Variants in PRH1 observed in about 807,000 individuals in gnomAD.
The protein encoded by PRH1 is salivary acidic proline-rich phosphoprotein 1/2.
Under a neutral mutation model 7.9 loss-of-function variants are expected in PRH1, and 7 were observed. The observed-to-expected ratio is 0.89, with a 90% CI of 0.50 to 1.67. PRH1 has a LOEUF of 1.67. PRH1 is among the 40% of genes most tolerant of loss of function. The probability of loss-of-function intolerance (pLI) is 0.00; values close to 1 mark genes in which losing one functional copy is unlikely to be tolerated. For synonymous variants in PRH1, 45 were observed against 80.8 expected, an observed-to-expected ratio of 0.56 and a Z score of 2.38; for missense variants, 109 against 223.6, an observed-to-expected ratio of 0.49 and a Z score of 3.27.
chr12:10,972,727 G>A (rs189729910), intron 2 of PRH1, among the ~76,000 whole-genome samples: 11 of 152,196 alleles, frequency 7.2e-5, no homozygotes, highest in African/African-American at 2.4e-4. Flanking sequence ...GAGTTTGGTC[G>A]TAACTAGAAT....
intron 1 of PRH1, chr12:11,021,722 T>C (rs144242846): frequency 4.7e-4 from 757 of 1,614,128 alleles, no homozygotes; most frequent in Admixed American, 1.0e-3. Flanking sequence ...TTTAGCTTCC[T>C]ACTTCCCATA....
intron 1 of PRH1, among the ~76,000 whole-genome samples, chr12:10,990,139 A>G (rs1037640601): frequency 6.6e-6 from 1 of 152,202 alleles, no homozygotes; most frequent in Non-Finnish European, 1.5e-5. Flanking sequence ...TAGAGCAGCG[A>G]AATAGAATAG....
chr12:10,981,365 ATTTT>A (rs528019045), intron 1 of PRH1, among the ~76,000 whole-genome samples: 4 of 111,594 alleles, frequency 3.6e-5, no homozygotes, highest in Admixed American at 9.9e-5. Flanking sequence ...TTACTTCTGG[ATTTT>A]TTTTTTTTTT....
In PRH1 at chr12:10,908,751, A is replaced by G. The variant is rs752444755; in HGVS notation, c.-58-24476T>C. 37 of 1,613,928 alleles carry G rather than the reference A, an allele frequency of 2.3e-5. No individual in the cohort carries two copies. The South Asian group carries it at 3.6e-4, about 16-fold the overall frequency. ...AAATGGTGTTAGACTGAACATAGTC[A>G]TAGTGAATTTGACCGACACTGAAAA... On this transcript the variant is annotated intron_variant, in intron 2 of 3. Coordinates refer to the PRH1 transcript ENST00000539853.
chr12:11,075,866 C>T (rs2136220423), intron 1 of PRH1, among the ~76,000 whole-genome samples: 1 of 121,386 alleles, frequency 8.2e-6, no homozygotes, highest in East Asian at 2.1e-4. Flanking sequence ...TCAAATTATC[C>T]ATTTATCCAA....
chr12:10,968,302 T>G (rs776215049), intron 2 of PRH1, among the ~76,000 whole-genome samples: 1 of 152,222 alleles, frequency 6.6e-6, no homozygotes, highest in Non-Finnish European at 1.5e-5. Context: ...GTATTTAGCT[T>G]GACTTGAACT....
At chr12:11,103,976 T>A (rs1202112641) in intron 1 of PRH1, among the ~76,000 whole-genome samples, 1 of 152,056 alleles carries the variant, frequency 6.6e-6, no homozygotes, top group Non-Finnish European at 1.5e-5. Flanking sequence ...TCTAATCAGA[T>A]AATCACACGT....
intron 1 of PRH1, among the ~76,000 whole-genome samples, chr12:11,125,480 T>C (rs1358515401): frequency 6.6e-6 from 1 of 152,298 alleles, no homozygotes; most frequent in Non-Finnish European, 1.5e-5. Flanking sequence ...TGGGTGATTT[T>C]ATTATAGCAG....
At chr12:10,921,068 T>G (rs576230831) in intron 2 of PRH1, among the ~76,000 whole-genome samples, 1 of 152,184 alleles carries the variant, frequency 6.6e-6, no homozygotes, top group East Asian at 1.9e-4. Context: ...TAAGTATATA[T>G]TATGAGACTA....
At chr12:11,126,116 A>C (rs1946119424) in intron 1 of PRH1, among the ~76,000 whole-genome samples, 1 of 152,040 alleles carries the variant, frequency 6.6e-6, no homozygotes, top group Non-Finnish European at 1.5e-5. Context: ...ATAGAAAAAA[A>C]TTATAGCATT....
intron 1 of PRH1, among the ~76,000 whole-genome samples, chr12:11,159,953 C>T (rs1223031398): frequency 6.6e-6 from 1 of 152,168 alleles, no homozygotes; most frequent in Non-Finnish European, 1.5e-5. Context: ...CAGTCAGCTA[C>T]TATATAATTT....
At position 11,030,578 on chromosome 12, in the gene PRH1, C is replaced by G. The variant is rs774442911; in HGVS notation, c.-126+16442G>C. On this transcript the variant is annotated intron_variant, in intron 1 of 3. Transcript: ENST00000539853. ...GAAGACAGGTTTGTTTTCCAGACTC[C>G]CAAAACTCCAAACTGATATCATTAT... 18 of 1,574,090 alleles carry G rather than the reference C, an allele frequency of 1.1e-5. No homozygotes were observed. The South Asian group carries it at 1.9e-4, about 17-fold the overall frequency.
chr12:11,021,345 G>A (rs1221074155), intron 1 of PRH1, among the ~76,000 whole-genome samples: 2 of 130,056 alleles, frequency 1.5e-5, no homozygotes, highest in African/African-American at 5.3e-5. Context: ...AAAGCTGTAC[G>A]TTCTTAATTA....
At chr12:11,116,154 G>A (rs940271263), downstream of PRH1, among the ~76,000 whole-genome samples, 6 of 151,680 alleles carry the variant, frequency 4.0e-5, no homozygotes, top group Admixed American at 6.6e-5. Flanking sequence ...CGTTCAGGCC[G>A]ACCAAGAAAA....
At chr12:11,041,288 CAAAA>C (rs67144212) in intron 1 of PRH1, among the ~76,000 whole-genome samples, 3 of 81,366 alleles carry the variant, frequency 3.7e-5, no homozygotes, top group Non-Finnish European at 6.9e-5. Context: ...CAATGCAAAC[CAAAA>C]AAAAAAAAAA....
At chr12:11,046,987 G>T in intron 1 of PRH1, 1 of 486,732 alleles carries the variant, frequency 2.1e-6, no homozygotes, top group East Asian at 5.9e-5. Context: ...CAAGATTAGT[G>T]GTTTGAAAAC....
chr12:10,931,061 A>C, intron 2 of PRH1: 1 of 1,578,014 alleles, frequency 6.3e-7, no homozygotes. Context: ...TCTCCTCAGT[A>C]ATCTAGGATT....
At chr12:11,095,766 G>A (rs1945057126) in intron 1 of PRH1, among the ~76,000 whole-genome samples, 1 of 114,630 alleles carries the variant, frequency 8.7e-6, no homozygotes, top group African/African-American at 2.9e-5. Context: ...TCCTACCACT[G>A]AACTCCAGCG....
intron 1 of PRH1, among the ~76,000 whole-genome samples, chr12:11,170,875 G>A (rs1947814438): frequency 6.6e-6 from 1 of 152,158 alleles, no homozygotes; most frequent in Non-Finnish European, 1.5e-5. Context: ...CAGAGACCTT[G>A]TGCTTTTATT....
Sources: allele counts gnomAD v4.1 joint callset (sites outside exome capture counted in the v4.1 genomes callset), GRCh38; gene constraint gnomAD v4.1.1; transcripts MANE v1.5; gene names NCBI Gene and HGNC (gene_info 2026-07-23, HGNC 2026-07-21).